Variants in PHYHIP observed in about 807,000 individuals in gnomAD.
PHYHIP encodes the protein phytanoyl-CoA 2-hydroxylase interacting protein, also known as phytanoyl-CoA hydroxylase-interacting protein.
PHYHIP carries 7 observed loss-of-function variants against 26.1 expected under a neutral mutation model. The ratio of observed to expected loss-of-function variants is 0.27; its 90% CI spans 0.15 to 0.50. The LOEUF is 0.50. Ranked by LOEUF, PHYHIP falls within the 20% of genes least tolerant of loss-of-function variation. The pLI, the probability that PHYHIP is intolerant of heterozygous loss-of-function variation, is 0.98. For missense variants in PHYHIP, 232 were observed against 454.7 expected (o/e 0.51, Z 4.45); for synonymous variants, 206 against 183.4 (o/e 1.12, Z -1.00).
At chr8:22,222,759 A>G (rs901293313) in intron 4 of PHYHIP, among the ~76,000 whole-genome samples, 1 of 152,186 alleles carries the variant, frequency 6.6e-6, no homozygotes, top group Non-Finnish European at 1.5e-5. Flanking sequence ...AGGAGCCCAA[A>G]CTGGGCCACT....
chr8:22,228,549 T>G lies in PHYHIP; in HGVS notation c.-29-163A>C, dbSNP rs1176798445. The G allele has an allele frequency of 4.0e-5, 22 of 543,710 alleles. 1 individual carries two copies. In the East Asian group the frequency reaches 6.0e-4, roughly 15 times the overall value. The allele number at this position is 543,710 out of a possible 1,614,324, so 33.7% of individuals were successfully genotyped here. ...CTGTACAGGGGAGGCTGGAGAAGGA[T>G]GATGGAGGGTGGAAAGGGGTGCCTG... On this transcript the variant is annotated intron_variant, in intron 1 of 4. Transcript: ENST00000454243.
intron 1 of PHYHIP, among the ~76,000 whole-genome samples, chr8:22,231,479 C>G (rs530524244): frequency 2.6e-5 from 4 of 152,250 alleles, no homozygotes; most frequent in African/African-American, 9.6e-5. Context: ...ACACACGCCG[C>G]GCACACCGGT....
Position 22,224,332 on chromosome 8 carries a change from C to A in PHYHIP, c.352G>T (p.Glu118Ter). ...TTCTCCTGAAGCTGAGCCAGGTGCT[C>A]CTTGGCATAATCTGCAAGATCCCAG... ...VEFCTGDYAKEHLAQLQEKAE... is the reference protein window; with the variant it reads ...VEFCTGDYAK The change falls in exon 4 of 5, where the codon GAG becomes TAG. Residue 118 changes from glutamate (E) to a stop codon, truncating the protein, a stop_gained. Transcript: ENST00000454243. LOFTEE classifies it high-confidence loss of function. The A allele has an allele frequency of 6.2e-7, 1 of 1,603,316 alleles. No homozygotes were observed. The highest frequency in any genetic ancestry group is 1.1e-5 in the South Asian group (1 of 90,866).
intron 2 of PHYHIP, 45 bp downstream of exon 2, chr8:22,228,148 A>G: frequency 5.1e-6 from 8 of 1,564,132 alleles, no homozygotes; most frequent in Non-Finnish European, 7.0e-6. Context: ...GGCCTCCTTC[A>G]GGAACAGAAG....
In PHYHIP at chr8:22,222,541, C is replaced by G. The variant is rs914199888; in HGVS notation, c.459-654G>C. Among the ~76,000 whole-genome samples the G allele has an allele frequency of 3.3e-5, 5 of 152,316 alleles. No homozygotes were observed. In the East Asian group the frequency reaches 9.6e-4, roughly 29 times the overall value. On this transcript the variant is annotated intron_variant, in intron 4 of 4. Transcript: ENST00000454243. ...TCAGCCTCCCAAAGTGCTAGGATTGCAGGTGTGAGCCACTTCACCTGGCCA... is the reference window on the plus strand; with the variant it reads ...TCAGCCTCCCAAAGTGCTAGGATTGGAGGTGTGAGCCACTTCACCTGGCCA...
At chr8:22,228,424 C>T in intron 1 of PHYHIP, 38 bp from the exon 2 acceptor site, 1 of 1,294,120 alleles carries the variant, frequency 7.7e-7, no homozygotes, top group Non-Finnish European at 1.1e-6. Context: ...TCCCTTGACC[C>T]CGGCGAGCTT....
chr8:22,224,031 T>A, intron 4 of PHYHIP, 195 bp downstream of exon 4: 1 of 570,314 alleles, frequency 1.8e-6, no homozygotes, highest in Non-Finnish European at 3.1e-6. Context: ...CCCAGAGCCC[T>A]TGATCTTCCC....
At chr8:22,227,222 TC>T (rs1186187477) in intron 2 of PHYHIP, among the ~76,000 whole-genome samples, 197 bp from the exon 3 acceptor site, 3 of 152,124 alleles carry the variant, frequency 2.0e-5, no homozygotes. Context: ...CCTTGGCCCC[TC>T]CTCGAACCCC....
chr8:22,231,356 G>A (rs1829862140), intron 1 of PHYHIP, among the ~76,000 whole-genome samples: 1 of 152,334 alleles, frequency 6.6e-6, no homozygotes, highest in Non-Finnish European at 1.5e-5. Flanking sequence ...GTGCCAGAAA[G>A]ATATGTTTCT....
At chr8:22,227,959 T>C (rs1484233631) in intron 2 of PHYHIP, among the ~76,000 whole-genome samples, 2 of 152,224 alleles carry the variant, frequency 1.3e-5, no homozygotes, top group African/African-American at 4.8e-5. Context: ...CACGCAAACA[T>C]GACTCACTGC....
rs1297548146 is a variant in PHYHIP at position 22,221,346 on chromosome 8, G to A, written c.*7C>T. The A allele has an allele frequency of 2.6e-6, 4 of 1,558,992 alleles. No homozygotes were observed. In the South Asian group the frequency reaches 3.6e-5, roughly 14 times the overall value. ...CTCTCCCTCGCCCCCCAGCTCCCCA[G>A]GAGTCCCTAGCGGCCCACGCTGATG... is the stretch of plus-strand genomic sequence containing the variant. On this transcript the variant is annotated 3_prime_UTR_variant, in exon 5 of 5. Coordinates refer to ENST00000454243, the MANE Select transcript of PHYHIP (RefSeq NM_014759.5). This position sits in a 1 kb window ranked among gnomAD's most constrained non-coding sequence, Gnocchi z 7.9.
rs1033261987 is a variant in PHYHIP, at chr8:22,221,189, G to A, written c.*164C>T. ...TGGGTGTGGGCCACACTTACCAAGA[G>A]GACCACCGTCTGTTGCCTCCAATGC... On this transcript the variant is annotated 3_prime_UTR_variant, in exon 5 of 5. Transcript: ENST00000454243. The surrounding 1 kb of genome is among the most constrained non-coding windows in gnomAD (Gnocchi z 7.9). 3.1e-6 allele frequency: 2 copies of A among 642,588 alleles called. No homozygotes were observed. Among genetic ancestry groups the A allele is most frequent in the East Asian group, 2.8e-5 (1 of 36,294 alleles). The allele number at this position is 642,588 out of a possible 1,614,324, so 39.8% of individuals were successfully genotyped here.
At position 22,224,215 on chromosome 8, in the gene PHYHIP, C is replaced by T. The variant is rs764776096; in HGVS notation, c.458+11G>A. ...GGCCCGGCGGGTCCAGCCGGGAGCCCGCGCCCATACCTGGCATGCTGGAAG... is the reference window on the plus strand; with the variant it reads ...GGCCCGGCGGGTCCAGCCGGGAGCCTGCGCCCATACCTGGCATGCTGGAAG... On this transcript the variant is annotated intron_variant, in intron 4 of 4. Transcript: ENST00000454243. 49 of 1,524,578 alleles carry T rather than the reference C, an allele frequency of 3.2e-5. No homozygotes were observed. Among genetic ancestry groups the T allele is most frequent in the Non-Finnish European group, 3.9e-5 (43 of 1,100,270 alleles). The allele number at this position is 1,524,578 out of a possible 1,614,324, so 94.4% of individuals were successfully genotyped here. A position where few individuals can be genotyped will look rare whatever the true frequency, so the allele number is the denominator to read the frequency against.
At chr8:22,231,590 C>T (rs959050047) in intron 1 of PHYHIP, among the ~76,000 whole-genome samples, 15 of 152,208 alleles carry the variant, frequency 9.9e-5, no homozygotes, top group East Asian at 9.7e-4. Flanking sequence ...AGAACGGTCA[C>T]GGGGTGACTA....
chr8:22,226,915 C>T lies in PHYHIP; in HGVS notation c.276G>A (p.Val92=), dbSNP rs1221254233. 6.2e-7 allele frequency: 1 copy of T among 1,614,196 alleles called. No individual in the cohort carries two copies. Among genetic ancestry groups the T allele is most frequent in the East Asian group, 2.2e-5 (1 of 44,888 alleles). The change falls in exon 3 of 5, where the codon GTG becomes GTA. Residue 92 remains valine (V), a synonymous_variant. Coordinates refer to ENST00000454243, the MANE Select transcript of PHYHIP (RefSeq NM_014759.5). ...CCAGGTACTCCCCATCGCTCTGCTT[C>T]ACTGCCGTCTGCACGGCCACACTGT... The part of the protein sequence containing the change: ...TEYSVAVQTA[V]KQSDGEYLVS...
chr8:22,224,647 G>A (rs1829705273), intron 3 of PHYHIP, among the ~76,000 whole-genome samples: 3 of 152,218 alleles, frequency 2.0e-5, no homozygotes, highest in South Asian at 4.1e-4. Context: ...AGGGTCCTCA[G>A]GGGCTGTGAT....
intron 1 of PHYHIP, 187 bp from the exon 2 acceptor site, chr8:22,228,573 T>C (rs760160768): frequency 1.2e-5 from 6 of 503,190 alleles, no homozygotes; most frequent in African/African-American, 1.9e-5. Flanking sequence ...AAGGGGTGCC[T>C]GCCCGGGGGG....
chr8:22,224,977 G>A (rs778965784), intron 3 of PHYHIP, among the ~76,000 whole-genome samples: 1 of 152,190 alleles, frequency 6.6e-6, no homozygotes, highest in African/African-American at 2.4e-5. Flanking sequence ...GGCACATACA[G>A]CTCCTTGGTA....
At chr8:22,229,095 G>A (rs1050390249) in intron 1 of PHYHIP, among the ~76,000 whole-genome samples, 10 of 152,100 alleles carry the variant, frequency 6.6e-5, no homozygotes, top group East Asian at 1.9e-4. Flanking sequence ...ATTAGGGGCC[G>A]GCCATGTGCT....
Sources: gnomAD v4.1 joint callset for allele counts (sites outside exome capture counted in the v4.1 genomes callset) on GRCh38, gnomAD v4.1.1 for gene constraint, Gnocchi (gnomAD v3.1) non-coding constraint, MANE v1.5 for transcripts, NCBI Gene and HGNC (gene_info 2026-07-23, HGNC 2026-07-21) for gene names.